DST: variants seen among roughly 807,000 people sequenced by gnomAD.
DST encodes dystonin, also known as bullous pemphigoid antigen.
DST carries 253 observed loss-of-function variants against 875.2 expected under a neutral mutation model. The ratio of observed to expected loss-of-function variants is 0.29; its 90% CI spans 0.26 to 0.32. DST has a LOEUF of 0.32. DST is among the 10% of genes least tolerant of loss of function. The probability of loss-of-function intolerance (pLI) is 1.00; values close to 1 mark genes in which losing one functional copy is unlikely to be tolerated. For missense variants in DST, 8,287 were observed against 9,111.6 expected (o/e 0.91, Z 3.68); for synonymous variants, 3,124 against 3,197.1 (o/e 0.98, Z 0.77).
intron 3 of DST, among the ~76,000 whole-genome samples, chr6:56,889,230 T>C (rs1000823431): frequency 6.6e-6 from 1 of 152,216 alleles, no homozygotes; most frequent in Non-Finnish European, 1.5e-5. Context: ...AATTCTCACA[T>C]CTTCCATGAA....
At chr6:56,602,105 C>G (rs901005372) in intron 43 of DST, 10 of 301,818 alleles carry the variant, frequency 3.3e-5, no homozygotes, top group African/African-American at 2.3e-4. Context: ...ATGAAATATG[C>G]CAGAATTTCA....
At chr6:56,670,129 C>T (rs966134418) in intron 10 of DST, among the ~76,000 whole-genome samples, 5 of 107,826 alleles carry the variant, frequency 4.6e-5, no homozygotes, top group Non-Finnish European at 5.6e-5. Context: ...TGCGAGCGCC[C>T]GTGCGTGTGT....
chr6:56,900,574 G>A lies in DST; in HGVS notation c.264C>T (p.Ala88=), dbSNP rs764324920. Residue 88 remains alanine, a synonymous_variant, in exon 3 of 104, where the codon GCC becomes GCT. Coordinates refer to ENST00000680361, the MANE Select transcript of DST (RefSeq NM_001374736.1). ...TCACTTCTTCCAGACGGGCAGCTGCGGCCGCTGCAACTCGTCTTCTAAGAT... is the reference window on the plus strand; with the variant it reads ...TCACTTCTTCCAGACGGGCAGCTGCAGCCGCTGCAACTCGTCTTCTAAGAT... The part of the protein sequence containing the change: ...PRHLRRRVAA[A]AAARLEEVKP... The A allele has an allele frequency of 1.4e-5, 19 of 1,367,462 alleles. No individual in the cohort carries two copies. Among genetic ancestry groups the A allele is most frequent in the African/African-American group, 1.0e-4 (7 of 67,702 alleles). The allele number at this position is 1,367,462 out of a possible 1,614,324, so 84.7% of individuals were successfully genotyped here. A position where few individuals can be genotyped will look rare whatever the true frequency, so the allele number is the denominator to read the frequency against.
At chr6:56,531,770 C>T (rs1307611755) in intron 64 of DST, among the ~76,000 whole-genome samples, 1 of 152,088 alleles carries the variant, frequency 6.6e-6, no homozygotes, top group East Asian at 1.9e-4. Context: ...TTGTTGAGAA[C>T]AAACACCCAG....
chr6:56,463,377 T>C (rs1456720924), intron 101 of DST, among the ~76,000 whole-genome samples, 188 bp downstream of exon 101: 2 of 152,106 alleles, frequency 1.3e-5, no homozygotes, highest in South Asian at 2.1e-4. Flanking sequence ...AAATAGATCA[T>C]CTCTATGTGG....
chr6:56,505,559 T>C (rs2096282384), intron 77 of DST, among the ~76,000 whole-genome samples: 1 of 151,934 alleles, frequency 6.6e-6, no homozygotes, highest in African/African-American at 2.4e-5. Context: ...TTTCCAAAGT[T>C]CAAAAAACTT....
Position 56,552,676 on chromosome 6 carries a change from T to C in DST, c.16116A>G (p.Glu5372=), listed in dbSNP as rs1584766102. 6.2e-7 allele frequency: 1 copy of C among 1,613,850 alleles called. No homozygotes were observed. The highest frequency in any genetic ancestry group is 1.7e-5 in the Admixed American group (1 of 60,028). Residue 5372 remains glutamate (E), a synonymous_variant, in exon 61 of 104, where the codon GAA becomes GAG. Coordinates refer to ENST00000680361, the MANE Select transcript of DST (RefSeq NM_001374736.1). ...EHSTLSQQVD[E]KCSFLETKLQ... is the part of the protein sequence containing the mutation. ...GCTTGGTTTCTAAGAAAGAACACTT[T>C]TCATCAACCTGCTGACTTAGTGTAC...
chr6:56,574,664 T>C (rs2097838733), intron 50 of DST, among the ~76,000 whole-genome samples: 1 of 152,092 alleles, frequency 6.6e-6, no homozygotes, highest in South Asian at 2.1e-4. Context: ...AAACCCTTTC[T>C]CGTCCAGTTT....
intron 4 of DST, among the ~76,000 whole-genome samples, chr6:56,771,147 T>C (rs2099660007): frequency 6.6e-6 from 1 of 151,958 alleles, no homozygotes; most frequent in East Asian, 1.9e-4. Context: ...CCAAAATAAT[T>C]TATCTTAAAA....
intron 10 of DST, 91 bp downstream of exon 10, chr6:56,670,550 C>T: frequency 9.8e-7 from 1 of 1,015,508 alleles, no homozygotes; most frequent in Non-Finnish European, 1.3e-6. Flanking sequence ...CATGCTTTTG[C>T]TTCTATAATA....
intron 2 of DST, among the ~76,000 whole-genome samples, chr6:56,911,638 C>T (rs766904250): frequency 2.0e-5 from 3 of 152,150 alleles, no homozygotes; most frequent in Non-Finnish European, 4.4e-5. Context: ...TTAAATTATA[C>T]ATACAACATG....
chr6:56,776,370 A>G (rs1050452418), intron 4 of DST, among the ~76,000 whole-genome samples: 2 of 152,228 alleles, frequency 1.3e-5, no homozygotes, highest in Non-Finnish European at 2.9e-5. Flanking sequence ...GCAAAAAAAC[A>G]AAAAGGACGT....
intron 71 of DST, among the ~76,000 whole-genome samples, chr6:56,516,100 G>A (rs191844953): frequency 1.1e-4 from 17 of 147,922 alleles, no homozygotes; most frequent in Non-Finnish European, 2.0e-4. Context: ...ATATATATGT[G>A]TGTGTGTATA....
chr6:56,578,998 G>A, intron 49 of DST, 61 bp from the exon 50 acceptor site: 6 of 1,351,452 alleles, frequency 4.4e-6, no homozygotes, highest in East Asian at 5.3e-5. Context: ...TTTCTAATGT[G>A]GAAAAAATGA....
rs780386919 is a variant in DST, at chr6:56,487,176, T to C, written c.20975A>G (p.Asn6992Ser). The C allele has an allele frequency of 1.2e-5, 19 of 1,613,906 alleles. No homozygotes were observed. Among genetic ancestry groups the C allele is most frequent in the Middle Eastern group, 1.6e-4 (1 of 6,062 alleles). ...ACTCAGCATGTCATCCAGTTTCAGGTTGTCATCAGCCAGGGAGGTTTTCTC... is the reference window on the plus strand; with the variant it reads ...ACTCAGCATGTCATCCAGTTTCAGGCTGTCATCAGCCAGGGAGGTTTTCTC... The part of the protein sequence containing the change: ...LKEKTSLADD[N>S]LKLDDMLSEL... The change falls in exon 87 of 104, where the codon AAC (asparagine) becomes AGC (serine). Residue 6992 changes from asparagine to serine, a missense_variant. Coordinates refer to ENST00000680361, the MANE Select transcript of DST (RefSeq NM_001374736.1).
In DST at chr6:56,578,454, A is replaced by AATATT. The variant is rs1456712413; in HGVS notation, c.13027+359_13027+360insAATAT. 2.7e-4 allele frequency among the ~76,000 whole-genome samples: 41 copies of AATATT among 152,322 alleles called. 1 individual carries two copies. The East Asian group carries it at 3.3e-3, about 12-fold the overall frequency. ...GTTCCCACTATTGATAAAGACCCTC[A>AATATT]GAGATTCTACTTTGGCCTTAAGTTG... On this transcript the variant is annotated intron_variant, in intron 50 of 103. Coordinates refer to ENST00000680361, the MANE Select transcript of DST (RefSeq NM_001374736.1).
At chr6:56,933,571 G>A (rs1811368908) in intron 2 of DST, among the ~76,000 whole-genome samples, 1 of 152,214 alleles carries the variant, frequency 6.6e-6, no homozygotes, top group East Asian at 1.9e-4. Context: ...GGAAGACTAA[G>A]GGAAGAATGT....
intron 5 of DST, among the ~76,000 whole-genome samples, chr6:56,716,764 C>T (rs2099396019): frequency 6.6e-6 from 1 of 152,190 alleles, no homozygotes; most frequent in Admixed American, 6.5e-5. Context: ...TGGCCCACTA[C>T]ATTTTTGGCA....
chr6:56,476,976 T>C (rs529625126), intron 91 of DST, among the ~76,000 whole-genome samples: 1 of 152,018 alleles, frequency 6.6e-6, no homozygotes, highest in East Asian at 1.9e-4. Context: ...AAAGCTAAGA[T>C]ATTAAATACA....
Sources: allele counts gnomAD v4.1 joint callset (sites outside exome capture counted in the v4.1 genomes callset), GRCh38; gene constraint gnomAD v4.1.1; transcripts MANE v1.5; gene names NCBI Gene and HGNC (gene_info 2026-07-23, HGNC 2026-07-21).